The following SRSF5 variants were observed in gnomAD, a reference collection of about 807,000 sequenced individuals.
SRSF5 encodes serine and arginine rich splicing factor 5.
In SRSF5, 5 loss-of-function variants were observed where a neutral mutation model predicts 34.0. That is an observed-to-expected ratio of 0.15 (90% confidence interval 0.08 to 0.31). The LOEUF is 0.31. Among genes scored for constraint, SRSF5 ranks in the 10% least tolerant of loss-of-function variants. The pLI, the probability that SRSF5 is intolerant of heterozygous loss-of-function variation, is 1.00. For synonymous variants in SRSF5, 164 were observed against 117.7 expected (o/e 1.39, Z -2.55); for missense variants, 223 against 351.4 (o/e 0.63, Z 2.92).
intron 5 of SRSF5, chr14:69,769,452 T>TA: frequency 6.5e-7 from 1 of 1,532,766 alleles, no homozygotes. Context: ...GTTTTGAGGA[T>TA]ATTTTTCTTG....
chr14:69,768,542 C>G (rs1594749216), intron 2 of SRSF5, 62 bp from the exon 3 acceptor site: 2 of 1,502,362 alleles, frequency 1.3e-6, no homozygotes, highest in Non-Finnish European at 9.3e-7. Flanking sequence ...TTTCAGTGCT[C>G]TTAATGTGTT....
intron 6 of SRSF5, 87 bp from the exon 7 acceptor site, chr14:69,770,908 C>CG: frequency 8.6e-7 from 1 of 1,169,136 alleles, no homozygotes; most frequent in Non-Finnish European, 1.2e-6. Flanking sequence ...CAAAAGTGAA[C>CG]ATAGAAACGA....
chr14:69,769,995 C>A, intron 5 of SRSF5: 1 of 1,033,874 alleles, frequency 9.7e-7, no homozygotes, highest in Non-Finnish European at 1.2e-6. Context: ...GTTTCTCCGA[C>A]CGATTAATGG....
In SRSF5 at chr14:69,768,622, G is replaced by A. The variant is rs1882830487; in HGVS notation, c.145G>A (p.Asp49Asn). 2 of 1,614,204 alleles carry A rather than the reference G, an allele frequency of 1.2e-6. No individual in the cohort carries two copies. The highest frequency in any genetic ancestry group is 1.7e-6 in the Non-Finnish European group (2 of 1,180,030). ...ATTTTAGGAATTTGAGGATCCAAGG[G>A]ATGCAGATGATGCTGTGTATGAGCT... ...FGFVEFEDPR[D>N]ADDAVYELDG... is the part of the protein sequence containing the mutation. The change falls in exon 3 of 8, where the codon GAT becomes AAT. Residue 49 changes from aspartate (D) to asparagine (N), a missense_variant. Physicochemically the swap from Asp to Asn is conservative, Grantham distance 23. This residue lies in a region of SRSF5 where 27 missense variants were observed against 90.7 expected (regional missense o/e 0.30). Coordinates refer to ENST00000557154, the MANE Select transcript of SRSF5 (RefSeq NM_001320214.2).
Position 69,771,018 on chromosome 14 carries a change from G to A in SRSF5, c.464G>A (p.Gly155Asp). ...AGGGTGGTTGAGTTTGCCTCTTATG[G>A]TGACTTAAAGAATGCTATTGAAAAA... ...NEGVVEFASY[G>D]DLKNAIEKLS... The change falls in exon 7 of 8, where the codon GGT (glycine) becomes GAT (aspartate). Residue 155 changes from glycine to aspartate, a missense_variant. Gly to Asp is a moderately conservative substitution (Grantham distance 94, BLOSUM62 -1). Coordinates refer to ENST00000557154, the MANE Select transcript of SRSF5 (RefSeq NM_001320214.2). 6.2e-7 allele frequency: 1 copy of A among 1,613,490 alleles called. No individual in the cohort carries two copies. The highest frequency in any genetic ancestry group is 8.5e-7 in the Non-Finnish European group (1 of 1,179,864).
chr14:69,767,732 G>T, intron 1 of SRSF5: 1 of 356,408 alleles, frequency 2.8e-6, no homozygotes, highest in Non-Finnish European at 5.5e-6. Context: ...CGCGGTCGAG[G>T]CGTCGCGAGA....
rs202215609 is a variant in SRSF5, at chr14:69,768,595, A to G, written c.127-9A>G. 1 of 1,613,918 alleles carries G rather than the reference A, an allele frequency of 6.2e-7. No homozygotes were observed. The highest frequency in any genetic ancestry group is 8.5e-7 in the Non-Finnish European group (1 of 1,179,754). ...AGCCAATGTTAAGAGTCTTATGCTT[A>G]CATTTTAGGAATTTGAGGATCCAAG... On this transcript the variant is annotated splice_polypyrimidine_tract_variant and intron_variant, in intron 2 of 7. Transcript: ENST00000557154.
At chr14:69,768,732 C>T in intron 3 of SRSF5, 58 bp downstream of exon 3, 1 of 1,605,400 alleles carries the variant, frequency 6.2e-7, no homozygotes. Context: ...GGTCTGCTGG[C>T]ATATTTTTCT....
In SRSF5 at chr14:69,771,404, G is replaced by A; in HGVS notation, c.762G>A (p.Val254=). ...SSSRSKSPAS[V]DRQRSRSRSR... ...GTAGATCTAAGTCTCCAGCATCTGTGGATCGCCAGAGGTCCCGGTCCCGAT... is the reference window on the plus strand; with the variant it reads ...GTAGATCTAAGTCTCCAGCATCTGTAGATCGCCAGAGGTCCCGGTCCCGAT... Residue 254 remains valine (V), a synonymous_variant, in exon 8 of 8, where the codon GTG becomes GTA. Coordinates refer to ENST00000557154, the MANE Select transcript of SRSF5 (RefSeq NM_001320214.2). The A allele has an allele frequency of 6.2e-7, 1 of 1,614,196 alleles. No individual in the cohort carries two copies.
chr14:69,767,968 G>A (rs1882734172), intron 1 of SRSF5, 170 bp from the exon 2 acceptor site: 1 of 662,354 alleles, frequency 1.5e-6, no homozygotes, highest in Admixed American at 3.0e-5. Context: ...GAGGGAGCTG[G>A]GTTTTCATTT....
At position 69,768,234 on chromosome 14, in the gene SRSF5, A is replaced by C. The variant is rs771456801; in HGVS notation, c.78A>C (p.Gly26=). The part of the protein sequence containing the change: ...REKDVERFFK[G]YGRIRDIDLK... ...AGGACGTGGAAAGATTCTTCAAGGGATATGGACGGATAAGAGATATTGATC... is the reference window on the plus strand; with the variant it reads ...AGGACGTGGAAAGATTCTTCAAGGGCTATGGACGGATAAGAGATATTGATC... The change falls in exon 2 of 8, where the codon GGA becomes GGC. Residue 26 remains glycine (G), a synonymous_variant. Coordinates refer to ENST00000557154, the MANE Select transcript of SRSF5 (RefSeq NM_001320214.2). 1 of 1,614,178 alleles carries C rather than the reference A, an allele frequency of 6.2e-7. No individual in the cohort carries two copies. Among genetic ancestry groups the C allele is most frequent in the Non-Finnish European group, 8.5e-7 (1 of 1,180,030 alleles).
Position 69,771,806 on chromosome 14 carries a change from G to C in SRSF5, c.*345G>C, listed in dbSNP as rs909959977. 1 of 217,918 alleles carries C rather than the reference G, an allele frequency of 4.6e-6. No individual in the cohort carries two copies. The highest frequency in any genetic ancestry group is 1.2e-4 in the East Asian group (1 of 8,438). The allele number at this position is 217,918 out of a possible 1,614,324, so 13.5% of individuals were successfully genotyped here. On this transcript the variant is annotated 3_prime_UTR_variant, in exon 8 of 8. Coordinates refer to ENST00000557154, the MANE Select transcript of SRSF5 (RefSeq NM_001320214.2). ...CATTTTAGTTCTTGGTTATAAAAAT[G>C]TTAATTCAGAATTAGTTTAATGCCT...
Position 69,771,245 on chromosome 14 carries a change from T to C in SRSF5, c.603T>C (p.Arg201=), listed in dbSNP as rs1290814569. The C allele has an allele frequency of 3.7e-6, 6 of 1,614,194 alleles. No individual in the cohort carries two copies. The South Asian group carries it at 6.6e-5, about 18-fold the overall frequency. Residue 201 remains arginine, a synonymous_variant, in exon 8 of 8, where the codon CGT becomes CGC. Coordinates refer to ENST00000557154, the MANE Select transcript of SRSF5 (RefSeq NM_001320214.2). ...RSRTRSSSRS[R]SRSRSRSRKS... is the part of the protein sequence containing the mutation. Reference sequence around the variant, plus strand: ...GGACCAGAAGTTCCTCTAGGTCTCGTAGCCGATCCCGTTCCCGTAGTCGCA... The same window carrying C: ...GGACCAGAAGTTCCTCTAGGTCTCGCAGCCGATCCCGTTCCCGTAGTCGCA...
rs753671953 is a variant in SRSF5, at chr14:69,768,302, T to C, written c.126+20T>C. Reference sequence around the variant, plus strand: ...TTTGTGGTAAGTATTTAGAACTGGGTGAATTATCTGCTAAGTAGGTAGAGT... The same window carrying C: ...TTTGTGGTAAGTATTTAGAACTGGGCGAATTATCTGCTAAGTAGGTAGAGT... On this transcript the variant is annotated intron_variant, in intron 2 of 7. Coordinates refer to ENST00000557154, the MANE Select transcript of SRSF5 (RefSeq NM_001320214.2). The C allele has an allele frequency of 2.7e-5, 43 of 1,613,670 alleles. No homozygotes were observed. The East Asian group carries it at 8.2e-4, about 31-fold the overall frequency.
In SRSF5 at chr14:69,770,454, A is replaced by G. The variant is rs1883069307; in HGVS notation, c.367-13A>G. On this transcript the variant is annotated splice_polypyrimidine_tract_variant and intron_variant, in intron 5 of 7. Coordinates refer to ENST00000557154, the MANE Select transcript of SRSF5 (RefSeq NM_001320214.2). ...TTCCTCTTCTTTGCTTAACACAATT[A>G]TCTTGTGTTAAGGATCTCAAAGATT... 5 of 1,612,582 alleles carry G rather than the reference A, an allele frequency of 3.1e-6. No individual in the cohort carries two copies. The highest frequency in any genetic ancestry group is 3.4e-6 in the Non-Finnish European group (4 of 1,179,244).
chr14:69,768,715 C>T (rs1594749675), intron 3 of SRSF5, 41 bp downstream of exon 3: 1 of 1,609,300 alleles, frequency 6.2e-7, no homozygotes. Context: ...GGACATAGAG[C>T]AGACTGGGTC....
At chr14:69,768,442 G>T (rs1882802963) in intron 2 of SRSF5, 160 bp downstream of exon 2, 1 of 1,260,764 alleles carries the variant, frequency 7.9e-7, no homozygotes, top group East Asian at 2.3e-5. Context: ...TAACTTGCCG[G>T]CTCACTGGAA....
Position 69,771,456 on chromosome 14 carries a change from A to G in SRSF5, c.814A>G (p.Asn272Asp), listed in dbSNP as rs145814413. ...RSRSRSVDSGN is the reference protein window; with the variant it reads ...RSRSRSVDSGD The stretch of plus-strand genomic sequence containing the variant: ...AAGGTCCAGATCAGTTGACAGTGGC[A>G]ATTAAACTGTAAATAACTTGCCCTG... Residue 272 changes from asparagine (N) to aspartate (D), a missense_variant, in exon 8 of 8, where the codon AAT becomes GAT. Around this residue, in one of 4 missense-constraint regions of SRSF5, gnomAD observed 115 missense variants for 119.7 expected, o/e 0.96. Transcript: ENST00000557154. 117 of 1,613,502 alleles carry G rather than the reference A, an allele frequency of 7.3e-5. No homozygotes were observed. Among genetic ancestry groups the G allele is most frequent in the Non-Finnish European group, 9.7e-5 (115 of 1,179,638 alleles).
In SRSF5 at chr14:69,771,209, G is replaced by A; in HGVS notation, c.567G>A (p.Arg189=). The change falls in exon 8 of 8, where the codon AGG becomes AGA. Residue 189 remains arginine (R), a synonymous_variant. Transcript: ENST00000557154. ...GSKRHSRSRS[R]SRSRTRSSSR... Reference sequence around the variant, plus strand: ...TTTTTCATAGTAGGTCAAGAAGCAGGTCTCGATCCCGGACCAGAAGTTCCT... The same window carrying A: ...TTTTTCATAGTAGGTCAAGAAGCAGATCTCGATCCCGGACCAGAAGTTCCT... 6.2e-7 allele frequency: 1 copy of A among 1,614,114 alleles called. No individual in the cohort carries two copies. The highest frequency in any genetic ancestry group is 8.5e-7 in the Non-Finnish European group (1 of 1,180,038).
Sources: gnomAD v4.1 joint callset for allele counts on GRCh38, gnomAD v4.1.1 for gene constraint, gnomAD v4.1.1 regional missense constraint, MANE v1.5 for transcripts, NCBI Gene and HGNC (gene_info 2026-07-23, HGNC 2026-07-21) for gene names.